The following PTPRD variants were observed in gnomAD, a reference collection of about 807,000 sequenced individuals.
PTPRD encodes protein tyrosine phosphatase receptor type D, also known as receptor-type tyrosine-protein phosphatase delta.
Under a neutral mutation model 214.5 loss-of-function variants are expected in PTPRD, and 34 were observed. The ratio of observed to expected loss-of-function variants is 0.16; its 90% CI spans 0.12 to 0.21. The LOEUF (loss-of-function observed/expected upper bound fraction) is 0.21, where lower values mean the gene tolerates loss of function less well. Among genes scored for constraint, PTPRD ranks in the 10% least tolerant of loss-of-function variants. The pLI is 1.00. For synonymous variants in PTPRD, 1,128 were observed against 845.7 expected, an observed-to-expected ratio of 1.33 and a Z score of -5.79; for missense variants, 2,545 against 2,398.7, an observed-to-expected ratio of 1.06 and a Z score of -1.27.
chr9:8,616,830 T>C (rs969310404), intron 14 of PTPRD, among the ~76,000 whole-genome samples: 2 of 152,150 alleles, frequency 1.3e-5, no homozygotes, highest in African/African-American at 4.8e-5. Context: ...AAAATACTAA[T>C]AATTTAACTA....
chr9:10,481,682 T>C (rs1357326760), intron 2 of PTPRD, among the ~76,000 whole-genome samples: 2 of 152,208 alleles, frequency 1.3e-5, no homozygotes, highest in Non-Finnish European at 2.9e-5. Flanking sequence ...CCCATAATCA[T>C]TAAATGTTAA....
chr9:9,562,926 G>T (rs376930304), intron 8 of PTPRD, among the ~76,000 whole-genome samples: 2 of 152,036 alleles, frequency 1.3e-5, no homozygotes, highest in Non-Finnish European at 2.9e-5. Context: ...CATCTTTGCC[G>T]CTTGTATTTA....
rs969140193 is a variant in PTPRD, at chr9:9,371,988, T to A, written c.-203+25461A>T. Among the ~76,000 whole-genome samples, 5 of 152,334 alleles carry A rather than the reference T, an allele frequency of 3.3e-5. No individual in the cohort carries two copies. The East Asian group carries it at 9.6e-4, about 29-fold the overall frequency. ...CTGTGGTCTGAGAGACAGTTTGTTA[T>A]AATTTCTGTTCTTTTACATTTGCTG... On this transcript the variant is annotated intron_variant, in intron 9 of 45. Coordinates refer to ENST00000381196, the MANE Select transcript of PTPRD (RefSeq NM_002839.4).
chr9:9,808,490 T>C (rs2046124116), intron 5 of PTPRD, among the ~76,000 whole-genome samples: 1 of 152,136 alleles, frequency 6.6e-6, no homozygotes, highest in Non-Finnish European at 1.5e-5. Flanking sequence ...ATCACCACCG[T>C]ACCCGGATAG....
intron 5 of PTPRD, among the ~76,000 whole-genome samples, chr9:9,917,606 A>T (rs2081314328): frequency 6.6e-6 from 1 of 151,950 alleles, no homozygotes; most frequent in Non-Finnish European, 1.5e-5. Flanking sequence ...GCATAACCAT[A>T]ATATGAAAAG....
At chr9:10,457,330 A>T (rs1306825266) in intron 2 of PTPRD, among the ~76,000 whole-genome samples, 1 of 151,954 alleles carries the variant, frequency 6.6e-6, no homozygotes, top group South Asian at 2.1e-4. Context: ...ATGCCATTCC[A>T]TGGAAGTAAC....
intron 8 of PTPRD, among the ~76,000 whole-genome samples, chr9:9,404,491 A>T (rs748868547): frequency 9.9e-5 from 15 of 152,096 alleles, no homozygotes; most frequent in Admixed American, 2.0e-4. Flanking sequence ...GCTGCTTTGG[A>T]ATATTAGTAA....
At chr9:9,808,586 G>A (rs1442741768) in intron 5 of PTPRD, among the ~76,000 whole-genome samples, 3 of 152,106 alleles carry the variant, frequency 2.0e-5, no homozygotes. Flanking sequence ...GTTGTTTACA[G>A]TGCAGTTTTG....
chr9:9,127,198 C>T (rs971014508), intron 10 of PTPRD, among the ~76,000 whole-genome samples: 25 of 152,108 alleles, frequency 1.6e-4, no homozygotes, highest in African/African-American at 5.1e-4. Flanking sequence ...TATGGGAAAA[C>T]GAGAATACCT....
At chr9:8,742,497 T>C (rs1322753486) in intron 11 of PTPRD, among the ~76,000 whole-genome samples, 1 of 152,218 alleles carries the variant, frequency 6.6e-6, no homozygotes, top group African/African-American at 2.4e-5. Context: ...ATGCAAAATA[T>C]CTGTAAAATA....
intron 35 of PTPRD, among the ~76,000 whole-genome samples, chr9:8,417,032 T>A (rs1219350203): frequency 6.6e-6 from 1 of 152,114 alleles, no homozygotes; most frequent in African/African-American, 2.4e-5. Context: ...TGGAGCATAA[T>A]TCCTTATTTA....
chr9:8,872,257 G>T (rs1443770849), intron 11 of PTPRD, among the ~76,000 whole-genome samples: 1 of 152,092 alleles, frequency 6.6e-6, no homozygotes, highest in Non-Finnish European at 1.5e-5. Context: ...AGAGTGAGTG[G>T]ATTATCTTTG....
chr9:9,642,299 A>AG (rs2095990861), intron 7 of PTPRD, among the ~76,000 whole-genome samples: 1 of 144,714 alleles, frequency 6.9e-6, no homozygotes, highest in Non-Finnish European at 1.5e-5. Flanking sequence ...TAGCATTGGG[A>AG]GATATACCTA....
At chr9:8,948,471 A>ATATATATT (rs2099081742) in intron 11 of PTPRD, among the ~76,000 whole-genome samples, 4 of 17,050 alleles carry the variant, frequency 2.3e-4, no homozygotes, top group African/African-American at 3.1e-4. Context: ...ATATTTACAT[A>ATATATATT]TATATATATT....
chr9:9,381,695 TTTTTTGTTTTTTG>T (rs1184863307), intron 9 of PTPRD, among the ~76,000 whole-genome samples: 2 of 139,124 alleles, frequency 1.4e-5, no homozygotes, highest in Non-Finnish European at 1.6e-5. Flanking sequence ...TGTTGTTTTG[TTTTTTGTTTTTTG>T]TTTTTGTTTT....
In PTPRD at chr9:10,079,620, A is replaced by G. The variant is rs985905501; in HGVS notation, c.-544-45830T>C. On this transcript the variant is annotated intron_variant, in intron 3 of 45. Coordinates refer to ENST00000381196, the MANE Select transcript of PTPRD (RefSeq NM_002839.4). The stretch of plus-strand genomic sequence containing the variant: ...CTAATTCTATGATATTGAATTAAAT[A>G]TGGTACCTTGAAACTAACCCTGATT... Among the ~76,000 whole-genome samples the G allele has an allele frequency of 2.0e-5, 3 of 152,244 alleles. No individual in the cohort carries two copies. In the East Asian group the frequency reaches 5.8e-4, roughly 30 times the overall value.
chr9:8,975,020 C>T (rs1183537998), intron 11 of PTPRD, among the ~76,000 whole-genome samples: 1 of 148,238 alleles, frequency 6.7e-6, no homozygotes, highest in Non-Finnish European at 1.5e-5. Context: ...TCACTTGAAC[C>T]TGGGAAGTGG....
intron 9 of PTPRD, among the ~76,000 whole-genome samples, chr9:9,238,207 T>A (rs1273023350): frequency 1.3e-5 from 2 of 152,054 alleles, no homozygotes; most frequent in Non-Finnish European, 2.9e-5. Flanking sequence ...GAGTCATGAA[T>A]AAGTTTCTCT....
chr9:10,097,453 C>G (rs2098502683), intron 3 of PTPRD, among the ~76,000 whole-genome samples: 1 of 151,186 alleles, frequency 6.6e-6, no homozygotes, highest in Admixed American at 6.6e-5. Flanking sequence ...AGGTCCTTCA[C>G]ATCCCTTGTA....
Sources: gnomAD v4.1 joint callset for allele counts (sites outside exome capture counted in the v4.1 genomes callset) on GRCh38, gnomAD v4.1.1 for gene constraint, MANE v1.5 for transcripts, NCBI Gene and HGNC (gene_info 2026-07-23, HGNC 2026-07-21) for gene names.